MTERF4: variants seen among roughly 807,000 people sequenced by gnomAD.
The protein encoded by MTERF4 is transcription termination factor 4, mitochondrial.
In MTERF4, 17 loss-of-function variants were observed where a neutral mutation model predicts 22.5. The observed-to-expected ratio is 0.75, with a 90% CI of 0.52 to 1.13. The LOEUF is 1.13. Among genes scored for constraint, MTERF4 ranks in the 50% most tolerant of loss-of-function variants. The probability of loss-of-function intolerance (pLI) is 0.00; values close to 1 mark genes in which losing one functional copy is unlikely to be tolerated. For synonymous variants in MTERF4, 165 were observed against 175.3 expected (o/e 0.94, Z 0.47); for missense variants, 420 against 466.8 (o/e 0.90, Z 0.92).
intron 2 of MTERF4, chr2:241,099,081 C>CTTTT: frequency 5.2e-6 from 1 of 193,864 alleles, no homozygotes; most frequent in Non-Finnish European, 1.0e-5. Context: ...TATATAAAAT[C>CTTTT]TTTTTTTTTT....
At chr2:241,058,985 G>C in the MTERF4 span, among the ~76,000 whole-genome samples, 1 of 151,822 alleles carries the variant, frequency 6.6e-6, no homozygotes, top group Admixed American at 6.6e-5. Context: ...ATAAACCCTA[G>C]CTAGACTGAT....
In MTERF4 at chr2:241,097,152, G is replaced by A. The variant is rs1559338195; in HGVS notation, c.705+91C>T. On this transcript the variant is annotated intron_variant, in intron 3 of 3. Transcript: ENST00000391980. ...ACTTGCTGTTACTACACTAATCACGGTACCAGTCATTCTCACCTGAAACTA... is the reference window on the plus strand; with the variant it reads ...ACTTGCTGTTACTACACTAATCACGATACCAGTCATTCTCACCTGAAACTA... The A allele has an allele frequency of 2.7e-6, 4 of 1,461,896 alleles. No homozygotes were observed. The African/African-American group carries it at 5.6e-5, about 20-fold the overall frequency. 90.6% of individuals were successfully genotyped at this position (1,461,896 alleles called of 1,614,324 possible). A position where few individuals can be genotyped will look rare whatever the true frequency, so the allele number is the denominator to read the frequency against.
rs1360074113 is a variant in MTERF4, at chr2:241,075,857, G to C, written n.480-175C>G. Among the ~76,000 whole-genome samples the C allele has an allele frequency of 6.6e-6, 1 of 151,974 alleles. No homozygotes were observed. Among genetic ancestry groups the C allele is most frequent in the Non-Finnish European group, 1.5e-5 (1 of 67,992 alleles). ...CTGTAGGTCATTAATCTGTTAGACT[G>C]TGTGTGTGTGAGAAGTTGGGCTACA... On this transcript the variant is annotated intron_variant and non_coding_transcript_variant, in intron 4 of 4. Coordinates refer to the MTERF4 transcript ENST00000464344. This position sits in a 1 kb window ranked among gnomAD's most constrained non-coding sequence, Gnocchi z 4.8.
intron 4 of MTERF4, chr2:241,081,831 A>G (rs1290022325): frequency 1.4e-6 from 2 of 1,442,096 alleles, no homozygotes; most frequent in Admixed American, 3.9e-5. Context: ...CCCTTCCAAC[A>G]CAGCCTGTGC....
At chr2:241,065,229 G>A in the MTERF4 span, 70 of 1,533,838 alleles carry the variant, frequency 4.6e-5, no homozygotes, top group East Asian at 4.9e-4. Context: ...CTGAGCCGCC[G>A]ACGGGAGCCA....
downstream of MTERF4, chr2:241,094,419 G>GT (rs1458063810): frequency 2.1e-6 from 1 of 471,232 alleles, no homozygotes; most frequent in Admixed American, 2.3e-5. This position sits in a 1 kb window ranked among gnomAD's most constrained non-coding sequence, Gnocchi z 4.3. Flanking sequence ...CAGTCACGCT[G>GT]TAAGACGAGG....
At chr2:241,067,696 C>A (rs567503002), downstream of MTERF4, 3 of 1,399,722 alleles carry the variant, frequency 2.1e-6, no homozygotes, top group Non-Finnish European at 3.0e-6. Context: ...CTGGTTTCAT[C>A]TTGAGCCCCT....
At chr2:241,067,732 C>T, downstream of MTERF4, 1 of 1,567,884 alleles carries the variant, frequency 6.4e-7, no homozygotes, top group South Asian at 1.2e-5. Context: ...CAAGGAGGGG[C>T]CGGCACCTGC....
downstream of MTERF4, chr2:241,069,869 A>G: frequency 6.3e-7 from 1 of 1,581,532 alleles, no homozygotes; most frequent in Non-Finnish European, 8.6e-7. This position sits in a 1 kb window ranked among gnomAD's most constrained non-coding sequence, Gnocchi z 4.9. Flanking sequence ...TGTTCTTGCC[A>G]GAAGACCCTG....
chr2:241,051,578 C>G, the MTERF4 span: 2 of 494,514 alleles, frequency 4.0e-6, no homozygotes, highest in Non-Finnish European at 7.0e-6. The surrounding 1 kb of genome is among the most constrained non-coding windows in gnomAD (Gnocchi z 4.7). Flanking sequence ...CCCCAGCCCC[C>G]ACCATGTGTG....
the MTERF4 span, chr2:241,063,819 G>A: frequency 1.3e-5 from 11 of 854,140 alleles, no homozygotes; most frequent in Admixed American, 2.5e-5. Flanking sequence ...GGGACCCCCA[G>A]GGCTGCGGCC....
In MTERF4 at chr2:241,095,872, T is replaced by A; in HGVS notation, c.*126A>T. The A allele has an allele frequency of 1.1e-5, 16 of 1,497,554 alleles. No homozygotes were observed. The highest frequency in any genetic ancestry group is 1.4e-5 in the Non-Finnish European group (16 of 1,125,298). 92.8% of individuals were successfully genotyped at this position (1,497,554 alleles called of 1,614,324 possible). On this transcript the variant is annotated 3_prime_UTR_variant, in exon 4 of 4. Coordinates refer to ENST00000391980, the MANE Select transcript of MTERF4 (RefSeq NM_182501.4). ...CTCAGGTGACTTATAATTTTTTTCA[T>A]CAAGAGACCAGTTTTAGAATAAAAA...
Position 241,096,165 on chromosome 2 carries a change from A to T in MTERF4, c.979T>A (p.Ser327Thr). Residue 327 changes from serine (S) to threonine (T), a missense_variant, in exon 4 of 4, where the codon TCT becomes ACT. Transcript: ENST00000391980. This position sits in a 1 kb window ranked among gnomAD's most constrained non-coding sequence, Gnocchi z 5.1. ...KKLLAREEEESESSTSDDKRA... is the reference protein window; with the variant it reads ...KKLLAREEEETESSTSDDKRA... ...TTGTCATCAGATGTGCTGCTCTCAG[A>T]CTCCTCCTCCTCCCGAGCCAGGAGC... is the stretch of plus-strand genomic sequence containing the variant. 1 of 1,613,154 alleles carries T rather than the reference A, an allele frequency of 6.2e-7. No homozygotes were observed. The highest frequency in any genetic ancestry group is 8.5e-7 in the Non-Finnish European group (1 of 1,179,764).
Position 241,095,877 on chromosome 2 carries a change from A to G in MTERF4, c.*121T>C, listed in dbSNP as rs982360976. The G allele has an allele frequency of 3.3e-6, 5 of 1,500,032 alleles. No homozygotes were observed. The Admixed American group carries it at 9.1e-5, about 27-fold the overall frequency. 92.9% of individuals were successfully genotyped at this position (1,500,032 alleles called of 1,614,324 possible). On this transcript the variant is annotated 3_prime_UTR_variant, in exon 4 of 4. Transcript: ENST00000391980. Reference sequence around the variant, plus strand: ...GTGACTTATAATTTTTTTCATCAAGAGACCAGTTTTAGAATAAAAAATAAC... The same window carrying G: ...GTGACTTATAATTTTTTTCATCAAGGGACCAGTTTTAGAATAAAAAATAAC...
At chr2:241,091,526 C>CCCCGTGTGCACTGCCCTA (rs1279561073), downstream of MTERF4, 1 of 151,838 alleles carries the variant, frequency 6.6e-6, no homozygotes, top group African/African-American at 2.4e-5. The surrounding 1 kb of genome is among the most constrained non-coding windows in gnomAD (Gnocchi z 4.1). Context: ...GTGGGGTCCT[C>CCCCGTGTGCACTGCCCTA]TGGGTGACAG....
downstream of MTERF4, chr2:241,071,801 C>T (rs758238457): frequency 1.0e-5 from 16 of 1,593,710 alleles, no homozygotes; most frequent in East Asian, 9.1e-5. Flanking sequence ...TGCAGGTTCT[C>T]GGAGCTTGTG....
At chr2:241,093,810 C>CGTTT (rs2064205709), downstream of MTERF4, 1 of 152,428 alleles carries the variant, frequency 6.6e-6, no homozygotes, top group Non-Finnish European at 1.5e-5. Context: ...CTTTTAAAAA[C>CGTTT]TCAAATGGCT....
the MTERF4 span, among the ~76,000 whole-genome samples, chr2:241,064,641 G>A: frequency 4.2e-3 from 641 of 152,278 alleles, 4 homozygotes; most frequent in African/African-American, 0.015. The surrounding 1 kb of genome is among the most constrained non-coding windows in gnomAD (Gnocchi z 7.0). Flanking sequence ...GTGGCACTCC[G>A]CTGTGGAGGG....
downstream of MTERF4, among the ~76,000 whole-genome samples, chr2:241,086,655 C>G (rs1299890575): frequency 6.6e-6 from 1 of 152,202 alleles, no homozygotes; most frequent in Non-Finnish European, 1.5e-5. Context: ...GTTACTCTTT[C>G]ATGTCCAGAA....
Sources: allele counts gnomAD v4.1 joint callset (sites outside exome capture counted in the v4.1 genomes callset), GRCh38; gene constraint gnomAD v4.1.1; non-coding constraint Gnocchi (gnomAD v3.1); transcripts MANE v1.5; gene names NCBI Gene and HGNC (gene_info 2026-07-23, HGNC 2026-07-21).